The following CDYL2 variants were observed in gnomAD, a reference collection of about 807,000 sequenced individuals.
CDYL2 encodes chromodomain Y-like protein 2.
A neutral mutation model predicts 49.4 loss-of-function variants in CDYL2; 23 were observed. That is an observed-to-expected ratio of 0.47 (90% CI 0.34 to 0.66). The LOEUF (loss-of-function observed/expected upper bound fraction) is 0.66, where lower values mean the gene tolerates loss of function less well. Ranked by LOEUF, CDYL2 falls within the 30% of genes least tolerant of loss-of-function variation. The probability of loss-of-function intolerance (pLI) is 0.01; values close to 1 mark genes in which losing one functional copy is unlikely to be tolerated. For synonymous variants in CDYL2, 360 were observed against 268.8 expected (o/e 1.34, Z -3.32); for missense variants, 678 against 656.4 (o/e 1.03, Z -0.36).
chr16:80,686,949 G>A (rs1038802622), intron 1 of CDYL2, among the ~76,000 whole-genome samples: 6 of 152,176 alleles, frequency 3.9e-5, no homozygotes, highest in Admixed American at 6.5e-5. Context: ...CACAAACTCT[G>A]TAACATTTTT....
At chr16:80,696,837 T>C (rs1342613047) in intron 1 of CDYL2, among the ~76,000 whole-genome samples, 1 of 151,938 alleles carries the variant, frequency 6.6e-6, no homozygotes, top group Admixed American at 6.5e-5. Context: ...CTTCCAAAAA[T>C]CTGAAGAGGA....
At chr16:80,777,307 G>A (rs1045264794) in intron 1 of CDYL2, among the ~76,000 whole-genome samples, 5 of 151,748 alleles carry the variant, frequency 3.3e-5, no homozygotes, top group African/African-American at 1.2e-4. Flanking sequence ...ATTTTTGTTT[G>A]CATATTATCT....
At chr16:80,661,826 C>A (rs772350936) in intron 2 of CDYL2, among the ~76,000 whole-genome samples, 6 of 152,182 alleles carry the variant, frequency 3.9e-5, no homozygotes, top group Non-Finnish European at 8.8e-5. Flanking sequence ...GAAGACCCTA[C>A]CAGACTGTGG....
intron 5 of CDYL2, among the ~76,000 whole-genome samples, chr16:80,611,051 G>T (rs555398891): frequency 6.6e-6 from 1 of 152,114 alleles, no homozygotes; most frequent in African/African-American, 2.4e-5. Flanking sequence ...CCCAGGGCCT[G>T]CCAGGCCCAC....
chr16:80,670,594 G>A (rs914132860), intron 2 of CDYL2, among the ~76,000 whole-genome samples: 5 of 152,128 alleles, frequency 3.3e-5, no homozygotes, highest in Admixed American at 6.5e-5. Context: ...AGAAGGGAGC[G>A]CTGGAGTCCA....
In CDYL2 at chr16:80,608,303, G is replaced by C. The variant is rs185265872; in HGVS notation, c.1219-68C>G. 324 of 1,451,216 alleles carry C rather than the reference G, an allele frequency of 2.2e-4. 1 individual carries two copies. The East Asian group carries it at 6.9e-3, about 31-fold the overall frequency. The allele number at this position is 1,451,216 out of a possible 1,614,324, so 89.9% of individuals were successfully genotyped here. On this transcript the variant is annotated intron_variant, in intron 5 of 6. Transcript: ENST00000570137. ...CACCCATGTCCCTCAGCTGGTCCAGGGCTTGCCACCTGCAACCATCCCAGT... is the reference window on the plus strand; with the variant it reads ...CACCCATGTCCCTCAGCTGGTCCAGCGCTTGCCACCTGCAACCATCCCAGT...
intron 1 of CDYL2, among the ~76,000 whole-genome samples, chr16:80,711,695 G>C (rs992758674): frequency 5.3e-5 from 8 of 152,084 alleles, no homozygotes; most frequent in Admixed American, 3.3e-4. Flanking sequence ...GTTGTTCTAA[G>C]TATTAAATGT....
chr16:80,764,654 T>C (rs1037758799), intron 1 of CDYL2, among the ~76,000 whole-genome samples: 7 of 152,164 alleles, frequency 4.6e-5, no homozygotes, highest in African/African-American at 1.7e-4. Context: ...CTAGCATCAA[T>C]GGTATCTAAT....
chr16:80,788,651 G>C (rs950421164), intron 1 of CDYL2, among the ~76,000 whole-genome samples: 2 of 152,194 alleles, frequency 1.3e-5, no homozygotes, highest in Non-Finnish European at 1.5e-5. Flanking sequence ...ATCAAGAGAT[G>C]ATTAGAGGCA....
At chr16:80,767,820 A>T (rs935247232) in intron 1 of CDYL2, among the ~76,000 whole-genome samples, 3 of 152,286 alleles carry the variant, frequency 2.0e-5, no homozygotes, top group African/African-American at 7.2e-5. Context: ...CTTTTCTAAA[A>T]AGTACGAAAA....
intron 3 of CDYL2, chr16:80,632,743 C>T (rs768284040): frequency 7.5e-6 from 3 of 397,712 alleles, no homozygotes; most frequent in Non-Finnish European, 1.4e-5. Context: ...TCTGGGTCTG[C>T]CCCTTGGCTA....
intron 1 of CDYL2, among the ~76,000 whole-genome samples, chr16:80,800,565 G>A (rs1447361887): frequency 6.6e-6 from 1 of 151,594 alleles, no homozygotes; most frequent in African/African-American, 2.4e-5. Flanking sequence ...ACCACAAACC[G>A]AAAAGATCCA....
intron 2 of CDYL2, among the ~76,000 whole-genome samples, chr16:80,665,058 A>G (rs1272175366): frequency 1.3e-5 from 2 of 152,222 alleles, no homozygotes; most frequent in East Asian, 1.9e-4. Flanking sequence ...GCTTCTAGGT[A>G]TACAATACTA....
chr16:80,681,293 T>G (rs1909957255), intron 2 of CDYL2, among the ~76,000 whole-genome samples: 1 of 151,948 alleles, frequency 6.6e-6, no homozygotes, highest in South Asian at 2.1e-4. Flanking sequence ...AAACCCCCAG[T>G]GCTCACCCTT....
At chr16:80,662,680 G>C in intron 2 of CDYL2, 1 of 453,602 alleles carries the variant, frequency 2.2e-6, no homozygotes, top group Non-Finnish European at 4.4e-6. Flanking sequence ...ACAGTAGGTG[G>C]AATCCACATA....
chr16:80,643,487 G>C (rs1908194729), intron 2 of CDYL2, among the ~76,000 whole-genome samples: 1 of 152,342 alleles, frequency 6.6e-6, no homozygotes, highest in Admixed American at 6.5e-5. Context: ...GACTCTGTGT[G>C]GGGGCGGTGA....
chr16:80,803,518 G>T (rs1257855245), intron 1 of CDYL2, among the ~76,000 whole-genome samples: 1 of 152,016 alleles, frequency 6.6e-6, no homozygotes, highest in Admixed American at 6.5e-5. Flanking sequence ...TGGTGCGGGG[G>T]CAGCAGGTGG....
intron 2 of CDYL2, among the ~76,000 whole-genome samples, chr16:80,663,084 T>TA (rs1023253736): frequency 2.0e-5 from 2 of 98,548 alleles, no homozygotes; most frequent in African/African-American, 5.4e-5. Flanking sequence ...GAAGATAGGA[T>TA]AAAAAAATTG....
chr16:80,631,276 A>G (rs1907549750), intron 3 of CDYL2, among the ~76,000 whole-genome samples: 1 of 152,196 alleles, frequency 6.6e-6, no homozygotes, highest in Non-Finnish European at 1.5e-5. Context: ...AATACAAGGA[A>G]CAAAGAGCCC....
Sources: allele counts gnomAD v4.1 joint callset (sites outside exome capture counted in the v4.1 genomes callset), GRCh38; gene constraint gnomAD v4.1.1; transcripts MANE v1.5; gene names NCBI Gene and HGNC (gene_info 2026-07-23, HGNC 2026-07-21).